Variants in CDCA8 observed in about 807,000 individuals in gnomAD.
CDCA8 encodes cell division cycle associated 8, also known as borealin.
CDCA8 carries 25 observed loss-of-function variants against 40.0 expected under a neutral mutation model. The observed-to-expected ratio is 0.63, with a 90% confidence interval of 0.46 to 0.87. CDCA8 has a LOEUF of 0.87. Ranked by LOEUF, CDCA8 falls within the 40% of genes least tolerant of loss-of-function variation. CDCA8 has a pLI of 0.00. For missense variants in CDCA8, 280 were observed against 348.4 expected (o/e 0.80, Z 1.56); for synonymous variants, 111 against 126.5 (o/e 0.88, Z 0.82).
chr1:37,694,376 G>A lies in CDCA8; in HGVS notation c.223+1343G>A, dbSNP rs1473036379. ...TTTGACTTGCCCTTTTATTTATTAA[G>A]CCATTCATTTGCTTATTTCTCCAAA... On this transcript the variant is annotated intron_variant, in intron 2 of 9. Coordinates refer to ENST00000373055, the MANE Select transcript of CDCA8 (RefSeq NM_001256875.2). Among the ~76,000 whole-genome samples the A allele has an allele frequency of 3.9e-5, 6 of 152,316 alleles. No individual in the cohort carries two copies. The East Asian group carries it at 7.7e-4, about 20-fold the overall frequency.
intron 9 of CDCA8, among the ~76,000 whole-genome samples, chr1:37,707,796 G>A (rs1645612189): frequency 6.6e-6 from 1 of 152,208 alleles, no homozygotes; most frequent in African/African-American, 2.4e-5. Context: ...ACTCCAGCCT[G>A]GGTGACAGAG....
At chr1:37,699,739 G>A (rs1645551018) in intron 4 of CDCA8, among the ~76,000 whole-genome samples, 1 of 152,038 alleles carries the variant, frequency 6.6e-6, no homozygotes, top group South Asian at 2.1e-4. Flanking sequence ...CTAATACGGT[G>A]AACCCCCGTC....
chr1:37,704,449 C>G (rs931558800), intron 7 of CDCA8, among the ~76,000 whole-genome samples: 10 of 152,100 alleles, frequency 6.6e-5, no homozygotes. Flanking sequence ...GCACCGTGAT[C>G]ACAGAGCATC....
At chr1:37,705,328 G>T in intron 7 of CDCA8, 113 bp from the exon 8 acceptor site, 2 of 880,402 alleles carry the variant, frequency 2.3e-6, no homozygotes, top group South Asian at 1.9e-5. Flanking sequence ...TGCTTTCTTA[G>T]GAATGTATGA....
intron 2 of CDCA8, among the ~76,000 whole-genome samples, chr1:37,693,931 A>C (rs1645504815): frequency 6.6e-6 from 1 of 151,814 alleles, no homozygotes; most frequent in African/African-American, 2.4e-5. Context: ...TGAGGTCAGG[A>C]GTTCGAGACC....
Position 37,696,144 on chromosome 1 carries a change from C to T in CDCA8, c.264+194C>T, listed in dbSNP as rs920063440. The stretch of plus-strand genomic sequence containing the variant: ...TAGTTCTGAGCCCTACAGAAGGTGG[C>T]AGTTCTGTTTTTGACCAATTTCTTG... On this transcript the variant is annotated intron_variant, in intron 3 of 9. Coordinates refer to ENST00000373055, the MANE Select transcript of CDCA8 (RefSeq NM_001256875.2). The surrounding 1 kb of genome is among the most constrained non-coding windows in gnomAD (Gnocchi z 5.0). 2.0e-5 allele frequency among the ~76,000 whole-genome samples: 3 copies of T among 152,206 alleles called. No individual in the cohort carries two copies. The highest frequency in any genetic ancestry group is 4.4e-5 in the Non-Finnish European group (3 of 68,032).
chr1:37,704,183 C>A (rs546921332), intron 7 of CDCA8, among the ~76,000 whole-genome samples: 31 of 152,272 alleles, frequency 2.0e-4, no homozygotes, highest in African/African-American at 7.2e-4. Context: ...AATCTGCCCA[C>A]CTCGGCCTTC....
intron 8 of CDCA8, 129 bp downstream of exon 8, chr1:37,705,696 G>A: frequency 9.4e-6 from 10 of 1,061,056 alleles, no homozygotes; most frequent in Non-Finnish European, 1.4e-5. Flanking sequence ...CCACACTTCT[G>A]CGGGACTCAG....
In CDCA8 at chr1:37,695,911, C is replaced by T; in HGVS notation, c.225C>T (p.Ala75=). 1 of 1,613,390 alleles carries T rather than the reference C, an allele frequency of 6.2e-7. No homozygotes were observed. Among genetic ancestry groups the T allele is most frequent in the South Asian group, 1.1e-5 (1 of 91,014 alleles). The change falls in exon 3 of 10, where the codon GCC becomes GCT. Residue 75 remains alanine, a splice_region_variant and synonymous_variant. Coordinates refer to ENST00000373055, the MANE Select transcript of CDCA8 (RefSeq NM_001256875.2). ...LREMNWLDYF[A]LGGNKQALEE... ...GTAACTACAACGTTCTTTTTAAAGC[C>T]CTTGGAGGAAACAAACAGGCCCTGG...
chr1:37,693,102 A>G, intron 2 of CDCA8, 69 bp downstream of exon 2: 8 of 1,435,430 alleles, frequency 5.6e-6, no homozygotes, highest in Non-Finnish European at 6.8e-6. Context: ...CCCTTCAGAA[A>G]GGGCTCGCTC....
chr1:37,703,111 T>C, intron 6 of CDCA8, 141 bp from the exon 7 acceptor site: 1 of 714,278 alleles, frequency 1.4e-6, no homozygotes, highest in South Asian at 1.6e-5. Flanking sequence ...TGGCCTCCCG[T>C]GTTAGAAGGG....
intron 5 of CDCA8, 81 bp from the exon 6 acceptor site, chr1:37,701,673 T>TAA (rs71701232): frequency 0.02 from 12,795 of 641,936 alleles, 12 homozygotes; most frequent in East Asian, 0.09. Flanking sequence ...CTTAATGCTT[T>TAA]AAAAAAAAAA....
rs141712543 is a variant in CDCA8 at position 37,708,911 on chromosome 1, A to C, written c.*545A>C. ...CAGGACAGTTGGCAGCAGTGACCTC[A>C]GTAGGGAACATGTCCGTCTACCCTC... On this transcript the variant is annotated 3_prime_UTR_variant, in exon 10 of 10. Transcript: ENST00000373055. 69 of 159,422 alleles carry C rather than the reference A, an allele frequency of 4.3e-4. No individual in the cohort carries two copies. The highest frequency in any genetic ancestry group is 6.1e-3 in the Middle Eastern group (2 of 326). 9.9% of individuals were successfully genotyped at this position (159,422 alleles called of 1,614,324 possible).
At chr1:37,700,552 G>C (rs1472873005) in intron 5 of CDCA8, 31 bp downstream of exon 5, 1 of 1,305,844 alleles carries the variant, frequency 7.7e-7, no homozygotes, top group Non-Finnish European at 1.1e-6. Flanking sequence ...GAGGCTGGGG[G>C]TTATCACAAG....
intron 2 of CDCA8, among the ~76,000 whole-genome samples, 188 bp downstream of exon 2, chr1:37,693,221 G>C (rs985133289): frequency 1.3e-5 from 2 of 150,304 alleles, no homozygotes; most frequent in African/African-American, 4.9e-5. Flanking sequence ...AAAATGGGGG[G>C]GTGGTTGGGG....
chr1:37,704,895 C>A (rs182133735), intron 7 of CDCA8, among the ~76,000 whole-genome samples: 54 of 152,058 alleles, frequency 3.6e-4, no homozygotes, highest in Middle Eastern at 6.8e-3. Flanking sequence ...TGATCCACCC[C>A]CCTCGGCCTC....
intron 7 of CDCA8, 144 bp downstream of exon 7, chr1:37,703,491 G>C (rs183423481): frequency 4.5e-6 from 3 of 669,880 alleles, no homozygotes; most frequent in African/African-American, 1.8e-5. Flanking sequence ...CGAGGCAGGC[G>C]GATCACTTGA....
intron 8 of CDCA8, among the ~76,000 whole-genome samples, chr1:37,706,251 G>C (rs1431557188): frequency 1.3e-5 from 2 of 152,134 alleles, no homozygotes; most frequent in African/African-American, 4.8e-5. Flanking sequence ...GGGACTACAG[G>C]CACATGCCAC....
intron 5 of CDCA8, 59 bp from the exon 6 acceptor site, chr1:37,701,695 C>A: frequency 4.3e-6 from 5 of 1,164,924 alleles, no homozygotes; most frequent in South Asian, 1.4e-5. Context: ...AAAAACCCTC[C>A]TTACCTTCCT....
Sources: gnomAD v4.1 joint callset for allele counts (sites outside exome capture counted in the v4.1 genomes callset) on GRCh38, gnomAD v4.1.1 for gene constraint, Gnocchi (gnomAD v3.1) non-coding constraint, MANE v1.5 for transcripts, NCBI Gene and HGNC (gene_info 2026-07-23, HGNC 2026-07-21) for gene names.